The following DGKH variants were observed in gnomAD, a reference collection of about 807,000 sequenced individuals.
DGKH encodes diacylglycerol kinase eta, also known as DAG kinase eta.
A neutral mutation model predicts 159.3 loss-of-function variants in DGKH; 90 were observed. The ratio of observed to expected loss-of-function variants is 0.57; its 90% CI spans 0.48 to 0.67. The LOEUF is 0.67. DGKH is among the 30% of genes least tolerant of loss of function. DGKH has a pLI of 0.00. For synonymous variants in DGKH, 536 were observed against 553.8 expected, an observed-to-expected ratio of 0.97 and a Z score of 0.45; for missense variants, 1,181 against 1,506.1, an observed-to-expected ratio of 0.78 and a Z score of 3.57.
At chr13:42,106,262 C>T (rs1342441919) in intron 1 of DGKH, among the ~76,000 whole-genome samples, 6 of 152,158 alleles carry the variant, frequency 3.9e-5, no homozygotes, top group Admixed American at 3.9e-4. Context: ...CCCACCTTGG[C>T]CTCCCAAAGT....
At position 42,241,160 on chromosome 13, in the gene DGKH, GTTCC is replaced by G. The variant is rs1201665539; in HGVS notation, c.*11976_*11979del. On this transcript the variant is annotated 3_prime_UTR_variant, in exon 30 of 30. Coordinates refer to ENST00000337343, the MANE Select transcript of DGKH (RefSeq NM_178009.5). ...TAATTGTAATTAACTGAAATGCCCT[GTTCC>G]TTCATTCACTTGATAGACTTTTCTA... 2.0e-5 allele frequency: 3 copies of G among 152,144 alleles called. No homozygotes were observed. The highest frequency in any genetic ancestry group is 4.4e-5 in the Non-Finnish European group (3 of 68,032). The allele number at this position is 152,144 out of a possible 1,614,324, so 9.4% of individuals were successfully genotyped here.
At chr13:42,049,177 CGGGGCGGGGAGGGGT>C (rs1180962171) in intron 1 of DGKH, among the ~76,000 whole-genome samples, 2,971 of 10,568 alleles carry the variant, frequency 0.28, 112 homozygotes, top group East Asian at 0.49. Context: ...GGGGCGCGGG[CGGGGCGGGGAGGGGT>C]GGGGCGGGGC....
At chr13:42,089,412 C>T (rs1463424402) in intron 1 of DGKH, among the ~76,000 whole-genome samples, 1 of 152,086 alleles carries the variant, frequency 6.6e-6, no homozygotes, top group Non-Finnish European at 1.5e-5. Flanking sequence ...TGACTGCAAA[C>T]TTATTGGCTT....
At chr13:42,102,956 A>T (rs1954679346) in intron 1 of DGKH, among the ~76,000 whole-genome samples, 1 of 152,232 alleles carries the variant, frequency 6.6e-6, no homozygotes, top group African/African-American at 2.4e-5. Flanking sequence ...AGAGTACAGA[A>T]TGTTTAGAAA....
Position 42,155,816 on chromosome 13 carries a change from C to T in DGKH, c.622+17C>T. The T allele has an allele frequency of 6.2e-7, 1 of 1,613,736 alleles. No homozygotes were observed. Among genetic ancestry groups the T allele is most frequent in the Non-Finnish European group, 8.5e-7 (1 of 1,179,870 alleles). On this transcript the variant is annotated intron_variant, in intron 5 of 29. Transcript: ENST00000337343. Reference sequence around the variant, plus strand: ...CCTGCGAAGGTACTGTAGCACCTAGCATGTGTTTTCTCCCAACAGTAACCA... The same window carrying T: ...CCTGCGAAGGTACTGTAGCACCTAGTATGTGTTTTCTCCCAACAGTAACCA...
At chr13:42,198,635 C>G in intron 18 of DGKH, 40 bp downstream of exon 18, 1 of 1,423,218 alleles carries the variant, frequency 7.0e-7, no homozygotes, top group Non-Finnish European at 9.4e-7. Flanking sequence ...TTGGGTTTTT[C>G]TTGTTTTTTT....
chr13:42,141,522 G>A (rs1955559088), intron 3 of DGKH, among the ~76,000 whole-genome samples: 1 of 152,150 alleles, frequency 6.6e-6, no homozygotes, highest in African/African-American at 2.4e-5. Flanking sequence ...CACCAACAGT[G>A]TAAAAGTGTT....
intron 12 of DGKH, among the ~76,000 whole-genome samples, chr13:42,176,777 A>G (rs1318308439): frequency 6.6e-6 from 1 of 152,204 alleles, no homozygotes; most frequent in Admixed American, 6.5e-5. Flanking sequence ...CAGCTTGCCT[A>G]GAGCAGATCA....
chr13:42,062,564 G>A (rs1882262603), intron 1 of DGKH, among the ~76,000 whole-genome samples: 2 of 152,140 alleles, frequency 1.3e-5, no homozygotes, highest in South Asian at 4.1e-4. Context: ...AGCTTTCCTT[G>A]GGGGAACCAA....
chr13:42,173,576 T>C (rs1251672859), intron 11 of DGKH, among the ~76,000 whole-genome samples: 2 of 152,196 alleles, frequency 1.3e-5, no homozygotes, highest in African/African-American at 2.4e-5. Context: ...GCAAGTGTGA[T>C]TGAGTAACAG....
intron 13 of DGKH, chr13:42,181,476 A>T (rs1041228446): frequency 7.2e-5 from 12 of 165,640 alleles, no homozygotes; most frequent in Non-Finnish European, 1.6e-4. Flanking sequence ...AGGCCAGTCC[A>T]TGTGCACGTC....
intron 1 of DGKH, among the ~76,000 whole-genome samples, chr13:42,067,972 C>T (rs1174912512): frequency 6.6e-6 from 1 of 152,012 alleles, no homozygotes; most frequent in Non-Finnish European, 1.5e-5. Context: ...ACAATTCTAA[C>T]ATTCATTTTT....
intron 1 of DGKH, among the ~76,000 whole-genome samples, chr13:42,084,975 G>GT (rs1395120520): frequency 1.3e-5 from 2 of 151,442 alleles, no homozygotes; most frequent in Non-Finnish European, 2.9e-5. Flanking sequence ...CTGGATTTCT[G>GT]TTTTTGCTCA....
At position 42,232,502 on chromosome 13, in the gene DGKH, A is replaced by G. The variant is rs375093284; in HGVS notation, c.*3314A>G. 4 of 152,256 alleles carry G rather than the reference A, an allele frequency of 2.6e-5. No individual in the cohort carries two copies. The highest frequency in any genetic ancestry group is 2.1e-4 in the South Asian group (1 of 4,816). The allele number at this position is 152,256 out of a possible 1,614,324, so 9.4% of individuals were successfully genotyped here. Reference sequence around the variant, plus strand: ...TACATCCTGGCTCTTCATTTTCCCAATGCCCAATATAATCATGGTTGCTGA... The same window carrying G: ...TACATCCTGGCTCTTCATTTTCCCAGTGCCCAATATAATCATGGTTGCTGA... On this transcript the variant is annotated 3_prime_UTR_variant, in exon 30 of 30. Transcript: ENST00000337343.
chr13:42,179,097 C>T (rs1956679071), intron 13 of DGKH, among the ~76,000 whole-genome samples: 1 of 152,166 alleles, frequency 6.6e-6, no homozygotes, highest in Non-Finnish European at 1.5e-5. Flanking sequence ...CTTTTGACAA[C>T]ATATTCCCCA....
chr13:42,195,751 A>C (rs1052789425), intron 17 of DGKH: 8 of 152,182 alleles, frequency 5.3e-5, no homozygotes, highest in South Asian at 2.1e-4. Context: ...ATTATTCATG[A>C]TTTTGGATTA....
At chr13:42,256,389 T>C (rs767758282) in exon 31 of DGKH, 2 of 1,580,988 alleles carry the variant, frequency 1.3e-6, no homozygotes, top group Non-Finnish European at 1.7e-6. Flanking sequence ...AATCCTCGTA[T>C]AGCGTATGAC....
intron 5 of DGKH, among the ~76,000 whole-genome samples, chr13:42,156,723 C>T (rs2137960871): frequency 6.6e-6 from 1 of 152,144 alleles, no homozygotes; most frequent in East Asian, 1.9e-4. Context: ...TTTGGAATAT[C>T]ACTTATTTAT....
intron 1 of DGKH, among the ~76,000 whole-genome samples, chr13:42,083,557 A>T (rs1428444586): frequency 6.6e-6 from 1 of 152,186 alleles, no homozygotes; most frequent in East Asian, 1.9e-4. Flanking sequence ...CCGCCGCTGT[A>T]GGCGTGGAAG....
Sources: gnomAD v4.1 joint callset for allele counts (sites outside exome capture counted in the v4.1 genomes callset) on GRCh38, gnomAD v4.1.1 for gene constraint, MANE v1.5 for transcripts, NCBI Gene and HGNC (gene_info 2026-07-23, HGNC 2026-07-21) for gene names.